Variants in SLC8B1 observed in about 807,000 individuals in gnomAD.
The protein encoded by SLC8B1 is solute carrier family 8 member B1.
In SLC8B1, 52 loss-of-function variants were observed where a neutral mutation model predicts 63.4. The ratio of observed to expected loss-of-function variants is 0.82; its 90% confidence interval spans 0.66 to 1.03. The LOEUF is 1.03. SLC8B1 is among the 50% of genes least tolerant of loss of function. SLC8B1 has a pLI of 0.00. For synonymous variants in SLC8B1, 336 were observed against 323.9 expected (o/e 1.04, Z -0.40); for missense variants, 657 against 741.7 (o/e 0.89, Z 1.33).
rs1285019663 is a variant in SLC8B1, at chr12:113,334,774, A to C, written c.-414T>G. ...GATTTATTTTACTGATTCACTAGTG[A>C]GCATTTATTGAGCGCCTTCTGTACG... On this transcript the variant is annotated 5_prime_UTR_variant, in exon 1 of 16. Coordinates refer to ENST00000680972, the MANE Select transcript of SLC8B1 (RefSeq NM_001358345.2). The C allele has an allele frequency of 6.6e-6, 1 of 152,144 alleles. No homozygotes were observed. The highest frequency in any genetic ancestry group is 2.4e-5 in the African/African-American group (1 of 41,422). 9.4% of individuals were successfully genotyped at this position (152,144 alleles called of 1,614,324 possible). A position where few individuals can be genotyped will look rare whatever the true frequency, so the allele number is the denominator to read the frequency against.
chr12:113,303,468 G>A (rs1360975953), intron 15 of SLC8B1, among the ~76,000 whole-genome samples: 5 of 152,048 alleles, frequency 3.3e-5, no homozygotes, highest in Non-Finnish European at 7.4e-5. Flanking sequence ...CTTTCCCATG[G>A]CGAGGCTTAA....
intron 15 of SLC8B1, among the ~76,000 whole-genome samples, chr12:113,303,017 A>G (rs1956613146): frequency 6.6e-6 from 1 of 151,750 alleles, no homozygotes; most frequent in South Asian, 2.1e-4. Context: ...GCGCACACAC[A>G]CACACACATT....
In SLC8B1 at chr12:113,332,792, G is replaced by A. The variant is rs778429255; in HGVS notation, c.87C>T (p.Gly29=). The part of the protein sequence containing the change: ...LMAETVSGTR[G]SSTGAHISPQ... ...GGCTAATGTGAGCTCCTGTAGACGA[G>A]CCCCTAGTCCCAGACACTGTCTCCG... is the stretch of plus-strand genomic sequence containing the variant. Residue 29 remains glycine (G), a synonymous_variant, in exon 2 of 16, where the codon GGC becomes GGT. Coordinates refer to ENST00000680972, the MANE Select transcript of SLC8B1 (RefSeq NM_001358345.2). 6.2e-7 allele frequency: 1 copy of A among 1,614,176 alleles called. No individual in the cohort carries two copies. Among genetic ancestry groups the A allele is most frequent in the Non-Finnish European group, 8.5e-7 (1 of 1,180,040 alleles).
intron 2 of SLC8B1, among the ~76,000 whole-genome samples, chr12:113,330,657 C>G (rs192518334): frequency 6.6e-6 from 1 of 152,314 alleles, no homozygotes; most frequent in African/African-American, 2.4e-5. Flanking sequence ...AGGGGGTACT[C>G]AATTTTATAA....
intron 11 of SLC8B1, 48 bp from the exon 12 acceptor site, chr12:113,310,403 C>T (rs1339318829): frequency 3.8e-6 from 6 of 1,592,434 alleles, no homozygotes; most frequent in African/African-American, 2.7e-5. Context: ...CACCTCAACA[C>T]CCACTTACAA....
rs1183207479 is a variant in SLC8B1 at position 113,316,517 on chromosome 12, C to A, written c.993+9G>T. ...GAAGGCTGTGAGCCTGGCTCCAGGACCCTCCTACCTTGAACACCTTGAGGG... is the reference window on the plus strand; with the variant it reads ...GAAGGCTGTGAGCCTGGCTCCAGGAACCTCCTACCTTGAACACCTTGAGGG... On this transcript the variant is annotated intron_variant, in intron 10 of 15. Coordinates refer to ENST00000680972, the MANE Select transcript of SLC8B1 (RefSeq NM_001358345.2). The A allele has an allele frequency of 6.2e-7, 1 of 1,612,790 alleles. No homozygotes were observed. Among genetic ancestry groups the A allele is most frequent in the African/African-American group, 1.3e-5 (1 of 74,934 alleles).
At chr12:113,310,814 C>T (rs1452062703) in intron 11 of SLC8B1, among the ~76,000 whole-genome samples, 1 of 152,144 alleles carries the variant, frequency 6.6e-6, no homozygotes, top group Non-Finnish European at 1.5e-5. Context: ...ATGAAGGTTC[C>T]AGAGGCTTCA....
At chr12:113,307,139 A>AC (rs1956687073) in intron 13 of SLC8B1, among the ~76,000 whole-genome samples, 1 of 148,354 alleles carries the variant, frequency 6.7e-6, no homozygotes, top group Non-Finnish European at 1.5e-5. Flanking sequence ...AAAAAAAAAA[A>AC]AAAAAAAAAA....
chr12:113,306,665 C>T (rs755263406), intron 13 of SLC8B1, 90 bp from the exon 14 acceptor site: 1 of 1,106,160 alleles, frequency 9.0e-7, no homozygotes, highest in Non-Finnish European at 1.3e-6. Flanking sequence ...CACGGTCATT[C>T]AGGCAACAAA....
Position 113,318,220 on chromosome 12 carries a change from T to C in SLC8B1, c.802+744A>G, listed in dbSNP as rs551183383. The stretch of plus-strand genomic sequence containing the variant: ...GTATGTGCATGTATTCATATATGTG[T>C]TGTATGTACACATTTGTGTGTGTGT... On this transcript the variant is annotated intron_variant, in intron 8 of 15. Coordinates refer to ENST00000680972, the MANE Select transcript of SLC8B1 (RefSeq NM_001358345.2). 3.9e-5 allele frequency among the ~76,000 whole-genome samples: 6 copies of C among 152,124 alleles called. No homozygotes were observed. In the South Asian group the frequency reaches 1.2e-3, roughly 32 times the overall value.
At position 113,315,420 on chromosome 12, in the gene SLC8B1, AT is replaced by A. The variant is rs1956821907; in HGVS notation, c.1049del (p.Asp350ValfsTer23). On this transcript the variant is annotated frameshift_variant, in exon 11 of 16. Coordinates refer to ENST00000680972, the MANE Select transcript of SLC8B1 (RefSeq NM_001358345.2). LOFTEE classifies it high-confidence loss of function. ...LTVPVVDPDK[D>X]DQNWKRPLNC... ...TGAGGGGCCGTTTCCAGTTCTGGTC[AT>A]CCTTGTCCGGGTCCACGACGGGGAC... 1.9e-6 allele frequency: 3 copies of A among 1,596,612 alleles called. No individual in the cohort carries two copies. The highest frequency in any genetic ancestry group is 2.6e-6 in the Non-Finnish European group (3 of 1,171,992).
chr12:113,306,390 C>A, intron 14 of SLC8B1, 105 bp downstream of exon 14: 1 of 948,360 alleles, frequency 1.1e-6, no homozygotes, highest in South Asian at 2.0e-5. Context: ...CATTACCTGC[C>A]CCAGGTGTTA....
rs551982510 is a variant in SLC8B1, at chr12:113,305,568, C to T, written c.1492+927G>A. Among the ~76,000 whole-genome samples, 15 of 152,364 alleles carry T rather than the reference C, an allele frequency of 9.8e-5. 1 individual carries two copies. The South Asian group carries it at 3.1e-3, about 32-fold the overall frequency. On this transcript the variant is annotated intron_variant, in intron 14 of 15. Transcript: ENST00000680972. This position sits in a 1 kb window ranked among gnomAD's most constrained non-coding sequence, Gnocchi z 4.3. ...TTCATAGCCCCAGGCTGGCTATATC[C>T]GTCTTTTCTATATAGACCAAAAGTT...
chr12:113,322,826 T>C (rs1392712880), intron 2 of SLC8B1, among the ~76,000 whole-genome samples: 1 of 152,142 alleles, frequency 6.6e-6, no homozygotes, highest in African/African-American at 2.4e-5. Flanking sequence ...GGCATACGCC[T>C]GTAGTCCCAA....
In SLC8B1 at chr12:113,320,435, G is replaced by A. The variant is rs1482019088; in HGVS notation, c.590C>T (p.Ala197Val). The A allele has an allele frequency of 1.9e-6, 3 of 1,614,194 alleles. No homozygotes were observed. Among genetic ancestry groups the A allele is most frequent in the East Asian group, 2.2e-5 (1 of 44,886 alleles). Residue 197 changes from alanine to valine, a missense_variant, in exon 7 of 16, where the codon GCT becomes GTT. By Grantham distance (64) the Ala-to-Val change is moderately conservative. Transcript: ENST00000680972. The surrounding 1 kb of genome is among the most constrained non-coding windows in gnomAD (Gnocchi z 5.3). ...GTCCCTGAAGAAGGGCCTGGAGGCA[G>A]CCATGAAGGGGTGTAGGATGGTAAT... is the stretch of plus-strand genomic sequence containing the variant. ...GGITILHPFM[A>V]ASRPFFRDIV... is the part of the protein sequence containing the mutation.
chr12:113,302,820 C>T (rs541191575), intron 15 of SLC8B1: 35 of 438,582 alleles, frequency 8.0e-5, no homozygotes, highest in African/African-American at 7.0e-4. Context: ...CGCCTGTGGA[C>T]ACACACACCT....
At chr12:113,312,558 C>T (rs1474768806) in intron 11 of SLC8B1, among the ~76,000 whole-genome samples, 1 of 152,138 alleles carries the variant, frequency 6.6e-6, no homozygotes, top group Non-Finnish European at 1.5e-5. Flanking sequence ...TCGGGAGGCT[C>T]ACCTTGAGTC....
chr12:113,315,608 A>T, intron 10 of SLC8B1, 132 bp from the exon 11 acceptor site: 1 of 1,138,200 alleles, frequency 8.8e-7, no homozygotes, highest in Non-Finnish European at 1.2e-6. Context: ...GTTCCAGGCT[A>T]AGTGCCTGGT....
At chr12:113,312,292 G>C (rs981536069) in intron 11 of SLC8B1, among the ~76,000 whole-genome samples, 1 of 152,122 alleles carries the variant, frequency 6.6e-6, no homozygotes, top group African/African-American at 2.4e-5. Flanking sequence ...AAATTAGCCA[G>C]GTGTGGTGGC....
Sources: gnomAD v4.1 joint callset for allele counts (sites outside exome capture counted in the v4.1 genomes callset) on GRCh38, gnomAD v4.1.1 for gene constraint, Gnocchi (gnomAD v3.1) non-coding constraint, MANE v1.5 for transcripts, NCBI Gene and HGNC (gene_info 2026-07-23, HGNC 2026-07-21) for gene names.